STXBP3: variants seen among roughly 807,000 people sequenced by gnomAD.
STXBP3 encodes the protein syntaxin binding protein 3.
A neutral mutation model predicts 85.7 loss-of-function variants in STXBP3; 41 were observed. The observed-to-expected ratio is 0.48, with a 90% confidence interval of 0.37 to 0.62. STXBP3 has a LOEUF of 0.62. Ranked by LOEUF, STXBP3 falls within the 20% of genes least tolerant of loss-of-function variation. The pLI is 0.00. For synonymous variants in STXBP3, 229 were observed against 231.7 expected (o/e 0.99, Z 0.10); for missense variants, 563 against 703.1 (o/e 0.80, Z 2.25).
At chr1:108,779,651 A>G in intron 9 of STXBP3, 1 of 290,692 alleles carries the variant, frequency 3.4e-6, no homozygotes, top group Non-Finnish European at 6.2e-6. Context: ...AACTGTGTGT[A>G]CAGTAGAGCT....
chr1:108,783,764 T>C (rs978818532), intron 11 of STXBP3, among the ~76,000 whole-genome samples: 2 of 152,246 alleles, frequency 1.3e-5, no homozygotes, highest in South Asian at 4.1e-4. Context: ...TTCAACTGAT[T>C]TACATCCCCA....
At chr1:108,797,498 TG>T (rs11342647) in intron 15 of STXBP3, among the ~76,000 whole-genome samples, 47,159 of 150,292 alleles carry the variant, frequency 0.31, 8,337 homozygotes, top group East Asian at 0.77. Context: ...CGGCAACCTC[TG>T]CCTCCCAGGT....
chr1:108,777,804 G>A (rs1241131398), intron 8 of STXBP3, among the ~76,000 whole-genome samples: 2 of 152,086 alleles, frequency 1.3e-5, no homozygotes, highest in African/African-American at 4.8e-5. Context: ...CAGGCCAAGT[G>A]TTGCTTCCTC....
intron 17 of STXBP3, among the ~76,000 whole-genome samples, chr1:108,805,970 G>C (rs1415326649): frequency 1.3e-5 from 2 of 152,092 alleles, no homozygotes; most frequent in Non-Finnish European, 2.9e-5. Context: ...CCAGAACAGT[G>C]GCTCTCAAAG....
At chr1:108,788,550 C>T (rs541325392) in intron 11 of STXBP3, among the ~76,000 whole-genome samples, 6 of 152,062 alleles carry the variant, frequency 3.9e-5, no homozygotes, top group South Asian at 2.1e-4. Context: ...GGAGGTCTTT[C>T]GTTATAATTA....
At chr1:108,787,541 G>A (rs1051144812) in intron 11 of STXBP3, among the ~76,000 whole-genome samples, 2 of 151,936 alleles carry the variant, frequency 1.3e-5, no homozygotes, top group African/African-American at 4.8e-5. Context: ...CTTGTCATAC[G>A]TTTAAAATTT....
intron 1 of STXBP3, among the ~76,000 whole-genome samples, chr1:108,747,445 G>GC (rs756469985): frequency 1.0e-3 from 157 of 152,108 alleles, no homozygotes; most frequent in Admixed American, 2.2e-3. Flanking sequence ...ACTCTCGGGG[G>GC]CCCCTCCCTG....
intron 6 of STXBP3, 107 bp from the exon 7 acceptor site, chr1:108,772,555 TATG>T (rs200164322): frequency 3.3e-5 from 11 of 328,456 alleles, no homozygotes; most frequent in Admixed American, 6.0e-5. Context: ...TATAAATACA[TATG>T]ATATATATCT....
At chr1:108,799,343 G>GT (rs1430156473) in intron 16 of STXBP3, among the ~76,000 whole-genome samples, 1 of 151,804 alleles carries the variant, frequency 6.6e-6, no homozygotes, top group African/African-American at 2.4e-5. Context: ...CTAGTTTTTT[G>GT]TTTTTTTGTT....
At chr1:108,779,618 A>T in intron 9 of STXBP3, 1 of 428,090 alleles carries the variant, frequency 2.3e-6, no homozygotes, top group East Asian at 4.4e-5. Flanking sequence ...GCTTTGGAGC[A>T]TTTTTGGTGT....
intron 16 of STXBP3, among the ~76,000 whole-genome samples, chr1:108,799,758 A>G (rs1290093): frequency 0.29 from 43,739 of 152,054 alleles, 7,274 homozygotes; most frequent in East Asian, 0.77. Context: ...ATACATACAT[A>G]TATCATAAAA....
chr1:108,760,223 C>A, intron 6 of STXBP3, 138 bp downstream of exon 6: 1 of 519,804 alleles, frequency 1.9e-6, no homozygotes, highest in Non-Finnish European at 3.3e-6. Context: ...ATAGACATTT[C>A]CCATGATGAA....
chr1:108,770,894 T>C (rs1662378194), intron 6 of STXBP3, among the ~76,000 whole-genome samples: 1 of 152,148 alleles, frequency 6.6e-6, no homozygotes, highest in African/African-American at 2.4e-5. Flanking sequence ...GTAAGATTTA[T>C]ATTATGTCTA....
At chr1:108,780,582 T>A (rs1474843382) in intron 9 of STXBP3, 2 of 145,946 alleles carry the variant, frequency 1.4e-5, no homozygotes, top group Non-Finnish European at 3.0e-5. Flanking sequence ...TTGGCCAGGC[T>A]AGTCTTGAAC....
At chr1:108,773,770 GA>G (rs1437974431) in intron 7 of STXBP3, among the ~76,000 whole-genome samples, 3 of 152,116 alleles carry the variant, frequency 2.0e-5, no homozygotes, top group Admixed American at 2.0e-4. Context: ...AGTACCAGGA[GA>G]AAACCCATGC....
intron 17 of STXBP3, among the ~76,000 whole-genome samples, chr1:108,806,317 G>T (rs1663330952): frequency 6.6e-6 from 1 of 152,114 alleles, no homozygotes; most frequent in Non-Finnish European, 1.5e-5. Flanking sequence ...TATGGATGAA[G>T]AACTGAATTT....
At chr1:108,796,436 C>A in intron 14 of STXBP3, 64 bp downstream of exon 14, 1 of 1,281,374 alleles carries the variant, frequency 7.8e-7, no homozygotes, top group Admixed American at 2.6e-5. Flanking sequence ...TCTTTGAAAA[C>A]TGAAAGATAG....
chr1:108,803,405 G>A (rs1557816585), intron 17 of STXBP3, among the ~76,000 whole-genome samples: 1 of 152,110 alleles, frequency 6.6e-6, no homozygotes, highest in Non-Finnish European at 1.5e-5. Flanking sequence ...CTGTTAAATC[G>A]CCCACCACCC....
chr1:108,773,283 T>C (rs1662508103), intron 7 of STXBP3, among the ~76,000 whole-genome samples: 1 of 152,194 alleles, frequency 6.6e-6, no homozygotes, highest in Non-Finnish European at 1.5e-5. Context: ...ACTTATATAC[T>C]TCTTTTTAAA....
Sources: allele counts gnomAD v4.1 joint callset (sites outside exome capture counted in the v4.1 genomes callset), GRCh38; gene constraint gnomAD v4.1.1; transcripts MANE v1.5; gene names NCBI Gene and HGNC (gene_info 2026-07-23, HGNC 2026-07-21).